Variants in SDK1 observed in about 807,000 individuals in gnomAD.
SDK1 encodes protein sidekick-1.
Under a neutral mutation model 245.5 loss-of-function variants are expected in SDK1, and 157 were observed. The ratio of observed to expected loss-of-function variants is 0.64; its 90% CI spans 0.56 to 0.73. The LOEUF is 0.73. SDK1 is among the 30% of genes least tolerant of loss of function. The pLI is 0.00. For synonymous variants in SDK1, 1,647 were observed against 1,278.5 expected (o/e 1.29, Z -6.15); for missense variants, 3,583 against 3,002.3 (o/e 1.19, Z -4.52).
chr7:3,953,911 GTGTC>G (rs1781031550), intron 7 of SDK1, among the ~76,000 whole-genome samples: 2 of 152,150 alleles, frequency 1.3e-5, no homozygotes, highest in South Asian at 2.1e-4. Context: ...CCTGAAGAGA[GTGTC>G]TGTGTCAATT....
At chr7:3,924,152 A>C (rs1444079233) in intron 5 of SDK1, among the ~76,000 whole-genome samples, 1 of 151,752 alleles carries the variant, frequency 6.6e-6, no homozygotes, top group African/African-American at 2.4e-5. Flanking sequence ...CGCTGTTGTA[A>C]CCATCCAGGT....
At chr7:3,844,880 A>G (rs938415876) in intron 5 of SDK1, among the ~76,000 whole-genome samples, 37 of 152,162 alleles carry the variant, frequency 2.4e-4, no homozygotes, top group African/African-American at 8.7e-4. Flanking sequence ...AACCTCCTGA[A>G]TTAATCAAAC....
chr7:3,641,634 C>T (rs1197297980), intron 3 of SDK1, among the ~76,000 whole-genome samples: 1 of 152,228 alleles, frequency 6.6e-6, no homozygotes, highest in Non-Finnish European at 1.5e-5. Context: ...AACTGCTTCA[C>T]GTGGCTCTAG....
At chr7:3,409,111 G>T (rs1029430946) in intron 1 of SDK1, among the ~76,000 whole-genome samples, 3 of 152,034 alleles carry the variant, frequency 2.0e-5, no homozygotes, top group Non-Finnish European at 2.9e-5. Context: ...GCTTTCTTTT[G>T]TGTGAGATAA....
At chr7:4,225,343 G>A (rs1785370013) in intron 40 of SDK1, among the ~76,000 whole-genome samples, 1 of 152,114 alleles carries the variant, frequency 6.6e-6, no homozygotes, top group South Asian at 2.1e-4. Flanking sequence ...AAAAGCCACG[G>A]TGTCCGTCCT....
chr7:3,955,722 C>G (rs1051789334), intron 7 of SDK1, among the ~76,000 whole-genome samples: 4 of 152,218 alleles, frequency 2.6e-5, no homozygotes, highest in Admixed American at 2.0e-4. Context: ...AAGCCAAATC[C>G]CAGCAGCATT....
At chr7:3,851,359 C>A (rs1490704939) in intron 5 of SDK1, among the ~76,000 whole-genome samples, 1 of 151,940 alleles carries the variant, frequency 6.6e-6, no homozygotes, top group Non-Finnish European at 1.5e-5. Flanking sequence ...TATTTAATTT[C>A]CTTTTTATGT....
intron 22 of SDK1, among the ~76,000 whole-genome samples, chr7:4,098,399 C>G (rs1411456283): frequency 1.3e-5 from 2 of 152,172 alleles, no homozygotes; most frequent in African/African-American, 4.8e-5. Context: ...GCTCCGATTC[C>G]TTCATCCTAA....
chr7:3,606,614 C>A (rs1034869783), intron 1 of SDK1, among the ~76,000 whole-genome samples: 3 of 152,096 alleles, frequency 2.0e-5, no homozygotes, highest in African/African-American at 7.2e-5. Flanking sequence ...TTTGTACTTG[C>A]TTTTCCTGCT....
intron 5 of SDK1, among the ~76,000 whole-genome samples, chr7:3,924,436 G>A (rs566444998): frequency 6.6e-6 from 1 of 152,298 alleles, no homozygotes; most frequent in African/African-American, 2.4e-5. Context: ...CCACAGCTGA[G>A]CACGTCGTGG....
intron 1 of SDK1, among the ~76,000 whole-genome samples, chr7:3,335,658 A>C (rs1037722384): frequency 1.3e-5 from 2 of 152,200 alleles, no homozygotes; most frequent in East Asian, 3.8e-4. Flanking sequence ...TATGGGACTG[A>C]TCACTACTGC....
intron 1 of SDK1, among the ~76,000 whole-genome samples, chr7:3,455,270 A>G (rs1583882859): frequency 6.6e-6 from 1 of 151,974 alleles, no homozygotes; most frequent in Non-Finnish European, 1.5e-5. Flanking sequence ...GTTTTCACAA[A>G]GCAAAATTTT....
intron 4 of SDK1, among the ~76,000 whole-genome samples, chr7:3,674,187 A>T (rs1175481637): frequency 6.6e-6 from 1 of 152,240 alleles, no homozygotes; most frequent in African/African-American, 2.4e-5. Context: ...TAAGGGAAAG[A>T]CAGCATCAGA....
chr7:3,648,845 C>G (rs1782925309), intron 4 of SDK1, among the ~76,000 whole-genome samples: 1 of 152,168 alleles, frequency 6.6e-6, no homozygotes, highest in Admixed American at 6.5e-5. Flanking sequence ...CACCGTAATT[C>G]TGACCTTGGG....
At chr7:3,771,344 C>T (rs563550469) in intron 4 of SDK1, among the ~76,000 whole-genome samples, 1 of 151,934 alleles carries the variant, frequency 6.6e-6, no homozygotes, top group African/African-American at 2.4e-5. Flanking sequence ...CAGGATCAGC[C>T]CAGAGTCAAG....
At chr7:4,023,431 A>C (rs1364587378) in intron 17 of SDK1, among the ~76,000 whole-genome samples, 1 of 152,218 alleles carries the variant, frequency 6.6e-6, no homozygotes, top group Non-Finnish European at 1.5e-5. Flanking sequence ...CTCTCACAGA[A>C]GCTGTGGCCT....
chr7:3,466,681 C>A (rs1016491030), intron 1 of SDK1, among the ~76,000 whole-genome samples: 2 of 151,292 alleles, frequency 1.3e-5, no homozygotes, highest in Non-Finnish European at 2.9e-5. Flanking sequence ...TAACTGGCTC[C>A]CTTCTTTTGT....
chr7:3,366,489 C>A (rs906415674), intron 1 of SDK1, among the ~76,000 whole-genome samples: 2 of 151,998 alleles, frequency 1.3e-5, no homozygotes, highest in South Asian at 4.1e-4. Context: ...CTGCAGAATT[C>A]CCCTTTATGG....
chr7:3,417,328 G>A (rs905180770), intron 1 of SDK1, among the ~76,000 whole-genome samples: 2 of 152,190 alleles, frequency 1.3e-5, no homozygotes, highest in African/African-American at 4.8e-5. Context: ...TCTCCAGCCA[G>A]TTCCCCGACT....
Sources: gnomAD v4.1 joint callset for allele counts (sites outside exome capture counted in the v4.1 genomes callset) on GRCh38, gnomAD v4.1.1 for gene constraint, MANE v1.5 for transcripts, NCBI Gene and HGNC (gene_info 2026-07-23, HGNC 2026-07-21) for gene names.